The following FLNB variants were observed in gnomAD, a reference collection of about 807,000 sequenced individuals.
The protein encoded by FLNB is filamin-B.
Under a neutral mutation model 250.6 loss-of-function variants are expected in FLNB, and 111 were observed. The observed-to-expected ratio is 0.44, with a 90% CI of 0.38 to 0.52. The LOEUF (loss-of-function observed/expected upper bound fraction) is 0.52. Among genes scored for constraint, FLNB ranks in the 20% least tolerant of loss-of-function variants. FLNB has a pLI of 0.00. For synonymous variants in FLNB, 1,302 were observed against 1,372.1 expected, an observed-to-expected ratio of 0.95 and a Z score of 1.13; for missense variants, 2,869 against 3,447.8, an observed-to-expected ratio of 0.83 and a Z score of 4.20.
intron 1 of FLNB, among the ~76,000 whole-genome samples, chr3:58,041,711 A>G (rs893476180): frequency 6.6e-6 from 1 of 152,158 alleles, no homozygotes; most frequent in Non-Finnish European, 1.5e-5. Context: ...TAAAGCAGTT[A>G]TGTGCTTGGG....
At chr3:58,100,373 A>AAAAAATATATATAT in intron 8 of FLNB, among the ~76,000 whole-genome samples, 4 of 104,386 alleles carry the variant, frequency 3.8e-5, no homozygotes, top group South Asian at 3.4e-4. Flanking sequence ...GTAAAAAAAA[A>AAAAAATATATATAT]ATATATATAT....
At chr3:58,064,853 C>CCA (rs952273686) in intron 1 of FLNB, among the ~76,000 whole-genome samples, 2 of 151,938 alleles carry the variant, frequency 1.3e-5, no homozygotes, top group Non-Finnish European at 2.9e-5. Flanking sequence ...TCTCCCCCCG[C>CCA]CACACACACA....
intron 11 of FLNB, 26 bp from the exon 12 acceptor site, chr3:58,106,654 G>T: frequency 6.2e-7 from 1 of 1,609,722 alleles, no homozygotes; most frequent in Non-Finnish European, 8.5e-7. Flanking sequence ...TATAACCAGG[G>T]AGACCCTTCC....
chr3:58,128,764 AAGGGGTC>A (rs2097301861), intron 24 of FLNB, among the ~76,000 whole-genome samples: 1 of 152,148 alleles, frequency 6.6e-6, no homozygotes, highest in Non-Finnish European at 1.5e-5. Flanking sequence ...CCCTTACAGA[AAGGGGTC>A]AGAGTTTGTC....
Position 58,103,266 on chromosome 3 carries a change from G to GTGTGTA in FLNB, c.1484-688_1484-687insATGTGT, listed in dbSNP as rs1491522885. 2.3e-4 allele frequency among the ~76,000 whole-genome samples: 3 copies of GTGTGTA among 13,060 alleles called. No homozygotes were observed. The African/African-American group carries it at 3.6e-3, about 16-fold the overall frequency. 8.6% of individuals were successfully genotyped at this position (13,060 alleles called of 152,430 possible). ...ATTATTCCAACAGGAGCCAAGGAGG[G>GTGTGTA]TGTGTGTGTGTGTGTGTGTGTGTGT... On this transcript the variant is annotated intron_variant, in intron 9 of 45. Transcript: ENST00000295956.
chr3:58,012,882 G>C (rs2097101033), intron 1 of FLNB, among the ~76,000 whole-genome samples: 1 of 152,236 alleles, frequency 6.6e-6, no homozygotes, highest in Non-Finnish European at 1.5e-5. Flanking sequence ...CTCCAGCTCT[G>C]AGATAGGTGG....
chr3:58,118,583 G>T (rs1308140839), intron 18 of FLNB, among the ~76,000 whole-genome samples: 1 of 152,202 alleles, frequency 6.6e-6, no homozygotes, highest in East Asian at 1.9e-4. Context: ...GGACTGTTTT[G>T]ATCTTGAATT....
chr3:58,141,733 C>T (rs1426200280), intron 29 of FLNB, 125 bp from the exon 30 acceptor site: 6 of 917,226 alleles, frequency 6.5e-6, no homozygotes, highest in South Asian at 1.4e-5. Context: ...AAGTGTCCTT[C>T]GCTAGAGTGA....
At chr3:58,119,294 C>T (rs916719483) in intron 19 of FLNB, among the ~76,000 whole-genome samples, 5 of 152,174 alleles carry the variant, frequency 3.3e-5, no homozygotes, top group Middle Eastern at 6.8e-3. Context: ...GAGGCTGGCA[C>T]GTAGTCAGCC....
At chr3:58,024,075 G>GT (rs890285722) in intron 1 of FLNB, among the ~76,000 whole-genome samples, 1 of 152,048 alleles carries the variant, frequency 6.6e-6, no homozygotes, top group Non-Finnish European at 1.5e-5. Flanking sequence ...TCATGGTATT[G>GT]TTTTTTTGGA....
Position 58,123,216 on chromosome 3 carries a change from A to G in FLNB, c.3250A>G (p.Lys1084Glu). Residue 1084 changes from lysine (K) to glutamate (E), a missense_variant, in exon 21 of 46, where the codon AAA becomes GAA. Around this residue, in one of 5 missense-constraint regions of FLNB, gnomAD observed 1,348 missense variants for 1,466.7 expected, o/e 0.92. Coordinates refer to ENST00000295956, the MANE Select transcript of FLNB (RefSeq NM_001457.4). Reference protein sequence around the residue: ...GLTVEGPCEAKIECSDNGDGT... With the variant: ...GLTVEGPCEAEIECSDNGDGT... ...AACGGTGGAAGGTCCGTGCGAGGCC[A>G]AAATCGAGTGCTCCGACAATGGTGA... 6.2e-7 allele frequency: 1 copy of G among 1,614,016 alleles called. No homozygotes were observed.
At chr3:58,047,926 C>G (rs950838011) in intron 1 of FLNB, among the ~76,000 whole-genome samples, 1 of 152,090 alleles carries the variant, frequency 6.6e-6, no homozygotes, top group Non-Finnish European at 1.5e-5. Flanking sequence ...CCTTCACCCC[C>G]ACATACTCCA....
chr3:58,098,628 G>T, intron 7 of FLNB, 83 bp from the exon 8 acceptor site: 1 of 1,324,848 alleles, frequency 7.5e-7, no homozygotes, highest in Admixed American at 1.7e-5. Flanking sequence ...CCACCACACT[G>T]GTCCTGTTTG....
chr3:58,114,832 T>G (rs1221042410), intron 18 of FLNB, among the ~76,000 whole-genome samples: 1 of 152,150 alleles, frequency 6.6e-6, no homozygotes, highest in Non-Finnish European at 1.5e-5. Context: ...TCTTTTCATG[T>G]GCTTATTGGT....
intron 41 of FLNB, among the ~76,000 whole-genome samples, chr3:58,156,367 T>A (rs1444830442): frequency 6.6e-6 from 1 of 152,240 alleles, no homozygotes; most frequent in East Asian, 1.9e-4. Context: ...GGAAGCCTGT[T>A]CATAACTGGT....
intron 18 of FLNB, among the ~76,000 whole-genome samples, chr3:58,116,583 T>C (rs1261416453): frequency 2.0e-5 from 3 of 152,230 alleles, no homozygotes; most frequent in African/African-American, 7.2e-5. Context: ...TGGATGGCTG[T>C]AGGATCCTGT....
intron 18 of FLNB, among the ~76,000 whole-genome samples, chr3:58,112,850 C>G (rs2097271341): frequency 2.0e-5 from 3 of 152,152 alleles, no homozygotes; most frequent in African/African-American, 7.2e-5. Flanking sequence ...CCTTTCGTCC[C>G]TAAGGCCCAG....
chr3:58,079,747 G>A (rs996279659), intron 3 of FLNB, among the ~76,000 whole-genome samples: 3 of 152,188 alleles, frequency 2.0e-5, no homozygotes, highest in African/African-American at 7.2e-5. Context: ...GAAAACCAGT[G>A]TTTTCTTTCC....
chr3:58,026,619 C>T lies in FLNB; in HGVS notation c.292+17763C>T, dbSNP rs6791934. Among the ~76,000 whole-genome samples, 873 of 152,174 alleles carry T rather than the reference C, an allele frequency of 5.7e-3. 9 individuals are homozygous for T. Among genetic ancestry groups the T allele is most frequent in the African/African-American group, 0.02 (824 of 41,490 alleles). ...GGAATGGATATGGGAGGTTGGGGGC[C>T]AGTATTTTCGGTTCTCTTGAGGAGT... On this transcript the variant is annotated intron_variant, in intron 1 of 45. Transcript: ENST00000295956.
Sources: allele counts gnomAD v4.1 joint callset (sites outside exome capture counted in the v4.1 genomes callset), GRCh38; gene constraint gnomAD v4.1.1; regional missense constraint gnomAD v4.1.1; transcripts MANE v1.5; gene names NCBI Gene and HGNC (gene_info 2026-07-23, HGNC 2026-07-21).